The following TEKT1 variants were observed in gnomAD, a reference collection of about 807,000 sequenced individuals.
TEKT1 encodes the protein tektin-1.
Under a neutral mutation model 34.8 loss-of-function variants are expected in TEKT1, and 32 were observed. That is an observed-to-expected ratio of 0.92 (90% CI 0.69 to 1.23). The LOEUF (loss-of-function observed/expected upper bound fraction) is 1.23. TEKT1 is among the 50% of genes most tolerant of loss of function. The probability of loss-of-function intolerance (pLI) is 0.00; values close to 1 mark genes in which losing one functional copy is unlikely to be tolerated. For missense variants in TEKT1, 492 were observed against 518.5 expected, an observed-to-expected ratio of 0.95 and a Z score of 0.50; for synonymous variants, 207 against 199.8, an observed-to-expected ratio of 1.04 and a Z score of -0.30.
intron 2 of TEKT1, among the ~76,000 whole-genome samples, chr17:6,826,252 G>A (rs984252338): frequency 4.6e-5 from 7 of 152,004 alleles, no homozygotes; most frequent in Admixed American, 4.6e-4. Context: ...GAATGTCCTC[G>A]CTTGTAAGGT....
chr17:6,824,281 C>G (rs1904335860), intron 2 of TEKT1, among the ~76,000 whole-genome samples: 1 of 152,098 alleles, frequency 6.6e-6, no homozygotes, highest in African/African-American at 2.4e-5. Context: ...CTTATGGCTC[C>G]CCTTACCCAT....
At position 6,813,021 on chromosome 17, in the gene TEKT1, G is replaced by A; in HGVS notation, c.662C>T (p.Ser221Phe). The change falls in exon 6 of 8, where the codon TCC (serine) becomes TTC (phenylalanine). Residue 221 changes from serine to phenylalanine, a missense_variant. By Grantham distance (155) the Ser-to-Phe change is radical (BLOSUM62 -2). Transcript: ENST00000338694. ...GTCAGCCTTCTCCACATTGGTGCTG[G>A]AGAAGTCCAACCAGTCTTCCAGACT... is the stretch of plus-strand genomic sequence containing the variant. ...SVSLEDWLDFSSTNVEKADKQ... is the reference protein window; with the variant it reads ...SVSLEDWLDFFSTNVEKADKQ... The A allele has an allele frequency of 6.2e-7, 1 of 1,614,068 alleles. No homozygotes were observed. Among genetic ancestry groups the A allele is most frequent in the Non-Finnish European group, 8.5e-7 (1 of 1,179,996 alleles).
chr17:6,804,215 T>C (rs1976815759), intron 6 of TEKT1, among the ~76,000 whole-genome samples: 1 of 152,182 alleles, frequency 6.6e-6, no homozygotes, highest in South Asian at 2.1e-4. Flanking sequence ...TTATTCTCTT[T>C]GAAGCAATTG....
chr17:6,813,916 T>C (rs1700888681), intron 5 of TEKT1, among the ~76,000 whole-genome samples: 1 of 151,296 alleles, frequency 6.6e-6, no homozygotes, highest in Admixed American at 6.6e-5. Flanking sequence ...GGGATTAGGA[T>C]ATAAAAAAGA....
chr17:6,804,650 A>G (rs750855208), intron 6 of TEKT1, among the ~76,000 whole-genome samples: 58 of 152,308 alleles, frequency 3.8e-4, no homozygotes, highest in Non-Finnish European at 6.8e-4. Context: ...TACCTAATTT[A>G]TTGAGAGTTT....
chr17:6,827,501 T>C (rs1435239671), intron 2 of TEKT1, among the ~76,000 whole-genome samples: 2 of 152,022 alleles, frequency 1.3e-5, no homozygotes, highest in Non-Finnish European at 2.9e-5. Flanking sequence ...TGACCTCAGG[T>C]GATCCACCCA....
intron 2 of TEKT1, 41 bp from the exon 3 acceptor site, chr17:6,819,399 C>G: frequency 6.4e-7 from 1 of 1,550,836 alleles, no homozygotes; most frequent in South Asian, 1.3e-5. Context: ...TAATCTATCC[C>G]AAGGTAGCCA....
At chr17:6,803,886 G>A (rs988080306) in intron 6 of TEKT1, among the ~76,000 whole-genome samples, 6 of 152,086 alleles carry the variant, frequency 3.9e-5, no homozygotes, top group African/African-American at 1.2e-4. Context: ...TTTGAAGTCA[G>A]GTAGCGTGAT....
chr17:6,800,672 A>G, intron 7 of TEKT1, 75 bp downstream of exon 7: 1 of 1,489,664 alleles, frequency 6.7e-7, no homozygotes, highest in African/African-American at 1.4e-5. Flanking sequence ...GCTGCTGGTC[A>G]CTATCTAGCC....
chr17:6,831,267 A>G (rs1340482639), intron 1 of TEKT1, among the ~76,000 whole-genome samples: 1 of 152,174 alleles, frequency 6.6e-6, no homozygotes, highest in African/African-American at 2.4e-5. Flanking sequence ...TTCCTCAGAC[A>G]GGGCTGAAAT....
At chr17:6,802,964 G>T (rs919188832) in intron 6 of TEKT1, among the ~76,000 whole-genome samples, 2 of 152,018 alleles carry the variant, frequency 1.3e-5, no homozygotes, top group Non-Finnish European at 2.9e-5. Context: ...AATCCTTTGG[G>T]TATATACCCA....
intron 6 of TEKT1, among the ~76,000 whole-genome samples, chr17:6,810,535 A>G (rs1271496594): frequency 6.6e-6 from 1 of 152,226 alleles, no homozygotes. Flanking sequence ...CCATAAATAA[A>G]GCTGTATTGA....
chr17:6,807,576 G>GT (rs1406061147), intron 6 of TEKT1, among the ~76,000 whole-genome samples: 3 of 152,152 alleles, frequency 2.0e-5, no homozygotes, highest in East Asian at 3.9e-4. Flanking sequence ...TTACTGCTCT[G>GT]TTTTTTCCCC....
intron 6 of TEKT1, 68 bp from the exon 7 acceptor site, chr17:6,801,011 T>C (rs969912494): frequency 1.9e-4 from 277 of 1,438,588 alleles, no homozygotes; most frequent in Non-Finnish European, 2.5e-4. Flanking sequence ...TGACAGCAGA[T>C]GGGTTGTGAT....
chr17:6,801,206 G>A (rs1976767237), intron 6 of TEKT1, among the ~76,000 whole-genome samples: 1 of 152,174 alleles, frequency 6.6e-6, no homozygotes, highest in South Asian at 2.1e-4. Context: ...CTCAGCAAAG[G>A]CCTGGCCAGA....
Position 6,830,344 on chromosome 17 carries a change from G to A in TEKT1, c.33C>T (p.Phe11=), listed in dbSNP as rs35472874. ...TAGCAATGTGCCACTCTGAGGGCAG[G>A]AACTTGGGTGGAGGTTGTAATAGTT... The part of the protein sequence containing the change: MAKLLQPPPK[F]LPSEWHIANK... Residue 11 remains phenylalanine (F), a synonymous_variant, in exon 2 of 8, where the codon TTC becomes TTT. Transcript: ENST00000338694. 2.3e-3 allele frequency: 3,634 copies of A among 1,599,482 alleles called. 60 individuals are homozygous for A. In the African/African-American group the frequency reaches 0.042, roughly 19 times the overall value.
chr17:6,810,228 G>A (rs1208146848), intron 6 of TEKT1, among the ~76,000 whole-genome samples: 1 of 152,206 alleles, frequency 6.6e-6, no homozygotes, highest in Admixed American at 6.5e-5. Context: ...GACATAGGAT[G>A]TTGAGCATCT....
Position 6,800,700 on chromosome 17 carries a change from T to C in TEKT1, c.1049+47A>G, listed in dbSNP as rs775375844. ...ATCTAGCCTCTGCTTGATATCCAGG[T>C]TGGGATTGAGACCCGAAGGCCCTCT... On this transcript the variant is annotated intron_variant, in intron 7 of 7. Coordinates refer to ENST00000338694, the MANE Select transcript of TEKT1 (RefSeq NM_053285.2). 5.7e-6 allele frequency: 9 copies of C among 1,569,934 alleles called. No individual in the cohort carries two copies. The East Asian group carries it at 1.6e-4, about 28-fold the overall frequency.
chr17:6,814,995 G>T, intron 5 of TEKT1, 168 bp downstream of exon 5: 2 of 740,152 alleles, frequency 2.7e-6, no homozygotes, highest in South Asian at 2.0e-5. Context: ...CTAACCTGGA[G>T]AATCAGGAGC....
Sources: gnomAD v4.1 joint callset for allele counts (sites outside exome capture counted in the v4.1 genomes callset) on GRCh38, gnomAD v4.1.1 for gene constraint, MANE v1.5 for transcripts, NCBI Gene and HGNC (gene_info 2026-07-23, HGNC 2026-07-21) for gene names.